ZNF618: variants seen among roughly 807,000 people sequenced by gnomAD.
ZNF618 encodes the protein neural precursor cell expressed, developmentally down-regulated 10.
ZNF618 carries 34 observed loss-of-function variants against 103.0 expected under a neutral mutation model. The observed-to-expected ratio is 0.33, with a 90% CI of 0.25 to 0.44. The LOEUF (loss-of-function observed/expected upper bound fraction) is 0.44. Ranked by LOEUF, ZNF618 falls within the 20% of genes least tolerant of loss-of-function variation. The probability of loss-of-function intolerance (pLI) is 1.00; values close to 1 mark genes in which losing one functional copy is unlikely to be tolerated. For missense variants in ZNF618, 1,059 were observed against 1,295.4 expected, an observed-to-expected ratio of 0.82 and a Z score of 2.80; for synonymous variants, 551 against 542.2, an observed-to-expected ratio of 1.02 and a Z score of -0.23.
intron 1 of ZNF618, among the ~76,000 whole-genome samples, chr9:113,881,674 G>A (rs1253351751): frequency 6.6e-6 from 1 of 152,178 alleles, no homozygotes; most frequent in African/African-American, 2.4e-5. Context: ...ACCAGTTGTC[G>A]TCATCACTGG....
At chr9:113,886,851 A>G (rs1014002465) in intron 1 of ZNF618, among the ~76,000 whole-genome samples, 3 of 151,914 alleles carry the variant, frequency 2.0e-5, no homozygotes, top group African/African-American at 4.8e-5. Context: ...GACTTAGTAG[A>G]AAAAAAAGAC....
chr9:113,881,380 T>G (rs907734217), intron 1 of ZNF618, among the ~76,000 whole-genome samples: 2 of 152,188 alleles, frequency 1.3e-5, no homozygotes. Flanking sequence ...GCCACATATA[T>G]AATTTTTAAT....
chr9:114,019,111 A>G (rs1842868394), intron 10 of ZNF618, among the ~76,000 whole-genome samples: 1 of 152,186 alleles, frequency 6.6e-6, no homozygotes, highest in African/African-American at 2.4e-5. Flanking sequence ...ATATTCTTTT[A>G]TGTCTGACTT....
At chr9:113,968,025 T>G (rs1181332553) in intron 1 of ZNF618, among the ~76,000 whole-genome samples, 6 of 152,208 alleles carry the variant, frequency 3.9e-5, no homozygotes, top group Admixed American at 3.9e-4. Flanking sequence ...TAAGCACTCA[T>G]CAAAAGGTGT....
chr9:113,932,868 G>A (rs961418773), intron 1 of ZNF618, among the ~76,000 whole-genome samples: 7 of 152,138 alleles, frequency 4.6e-5, no homozygotes, highest in African/African-American at 4.8e-5. Context: ...AGTCTGGAGC[G>A]CAGGCGAGCA....
chr9:113,886,397 G>A (rs1829073088), intron 1 of ZNF618, among the ~76,000 whole-genome samples: 1 of 152,166 alleles, frequency 6.6e-6, no homozygotes, highest in Non-Finnish European at 1.5e-5. Flanking sequence ...TGGACTCAGA[G>A]TTTTTGCAAG....
chr9:113,995,901 T>C (rs1588276229), intron 3 of ZNF618, among the ~76,000 whole-genome samples: 1 of 152,280 alleles, frequency 6.6e-6, no homozygotes, highest in Non-Finnish European at 1.5e-5. Context: ...GTCTTTTGTT[T>C]GTAACGTGGC....
At chr9:113,968,215 T>C (rs980011257) in intron 1 of ZNF618, among the ~76,000 whole-genome samples, 5 of 152,194 alleles carry the variant, frequency 3.3e-5, no homozygotes, top group Non-Finnish European at 7.3e-5. Flanking sequence ...TGTTTTACAA[T>C]AGAAATATCA....
rs1395596420 is a variant in ZNF618 at position 114,049,175 on chromosome 9, G to A, written c.1873G>A (p.Ala625Thr). Residue 625 changes from alanine to threonine, a missense_variant, in exon 15 of 15, where the codon GCC (alanine) becomes ACC (threonine). Physicochemically the swap from Ala to Thr is moderately conservative, Grantham distance 58 (BLOSUM62 0). Coordinates refer to ENST00000374126, the MANE Select transcript of ZNF618 (RefSeq NM_001318042.2). ...YVTDCRVSTSAFSKAGMCLRC... is the reference protein window; with the variant it reads ...YVTDCRVSTSTFSKAGMCLRC... ...GACGGATTGCCGGGTGAGCACGTCC[G>A]CCTTCTCCAAGGCCGGCATGTGCCT... 6.8e-6 allele frequency: 11 copies of A among 1,613,782 alleles called. No individual in the cohort carries two copies. The highest frequency in any genetic ancestry group is 4.4e-5 in the South Asian group (4 of 91,078).
At chr9:114,023,824 C>T (rs1031365764) in intron 10 of ZNF618, among the ~76,000 whole-genome samples, 14 of 152,002 alleles carry the variant, frequency 9.2e-5, no homozygotes, top group African/African-American at 3.4e-4. Flanking sequence ...AGAGATCATT[C>T]TGATTGTTAT....
intron 6 of ZNF618, among the ~76,000 whole-genome samples, chr9:114,003,306 A>C (rs1841429597): frequency 6.6e-6 from 1 of 152,256 alleles, no homozygotes; most frequent in African/African-American, 2.4e-5. Context: ...AAGCTGGTGT[A>C]GACTAGGATG....
rs1846397302 is a variant in ZNF618, at chr9:114,055,230, C to T, written c.*5063C>T. ...CCGGAAGGAGGGGCTCCTGCCATAACCCAGGTGCCAGCCGGTCTCCGCCTA... is the reference window on the plus strand; with the variant it reads ...CCGGAAGGAGGGGCTCCTGCCATAATCCAGGTGCCAGCCGGTCTCCGCCTA... On this transcript the variant is annotated 3_prime_UTR_variant, in exon 15 of 15. Transcript: ENST00000374126. 6.6e-6 allele frequency: 1 copy of T among 152,186 alleles called. No homozygotes were observed. The highest frequency in any genetic ancestry group is 1.5e-5 in the Non-Finnish European group (1 of 68,066). 9.4% of individuals were successfully genotyped at this position (152,186 alleles called of 1,614,324 possible). A position where few individuals can be genotyped will look rare whatever the true frequency, so the allele number is the denominator to read the frequency against.
intron 1 of ZNF618, among the ~76,000 whole-genome samples, chr9:113,917,476 A>G (rs1301173082): frequency 2.0e-5 from 3 of 147,330 alleles, no homozygotes; most frequent in Non-Finnish European, 4.5e-5. Flanking sequence ...CTGGTCTTGA[A>G]CTCCTAGGCT....
chr9:113,997,691 G>A (rs1224997225), intron 3 of ZNF618, among the ~76,000 whole-genome samples: 1 of 152,230 alleles, frequency 6.6e-6, no homozygotes, highest in African/African-American at 2.4e-5. Flanking sequence ...TGGGGCAGAG[G>A]TCAGTCTGCA....
chr9:113,908,342 GT>G (rs1423562846), intron 1 of ZNF618, among the ~76,000 whole-genome samples: 1 of 152,126 alleles, frequency 6.6e-6, no homozygotes, highest in Non-Finnish European at 1.5e-5. Context: ...GATAAAAGCA[GT>G]TTAAAAAAAT....
intron 1 of ZNF618, among the ~76,000 whole-genome samples, chr9:113,941,233 C>T (rs1564195256): frequency 6.6e-6 from 1 of 152,150 alleles, no homozygotes; most frequent in Non-Finnish European, 1.5e-5. Context: ...CCTCCAAGGG[C>T]ATTTACATTT....
chr9:114,006,195 G>A lies in ZNF618; in HGVS notation c.551-1155G>A, dbSNP rs1334637714. 2.0e-5 allele frequency among the ~76,000 whole-genome samples: 3 copies of A among 152,224 alleles called. No individual in the cohort carries two copies. The East Asian group carries it at 5.8e-4, about 29-fold the overall frequency. On this transcript the variant is annotated intron_variant, in intron 6 of 14. Coordinates refer to ENST00000374126, the MANE Select transcript of ZNF618 (RefSeq NM_001318042.2). Reference sequence around the variant, plus strand: ...GTGGTAGAGGATTGCATCAGATCCTGTATTTGGGTTCTGAGGGACAGGAGG... The same window carrying A: ...GTGGTAGAGGATTGCATCAGATCCTATATTTGGGTTCTGAGGGACAGGAGG...
chr9:113,881,805 T>C (rs1828554812), intron 1 of ZNF618, among the ~76,000 whole-genome samples: 1 of 152,230 alleles, frequency 6.6e-6, no homozygotes, highest in Non-Finnish European at 1.5e-5. Flanking sequence ...TCCATCCATA[T>C]AGCTCTCCTG....
intron 10 of ZNF618, among the ~76,000 whole-genome samples, chr9:114,025,681 A>G (rs1034820608): frequency 1.4e-5 from 2 of 147,742 alleles, no homozygotes; most frequent in African/African-American, 5.0e-5. Context: ...CCTGTGACCC[A>G]GAATTGATAG....
Sources: gnomAD v4.1 joint callset for allele counts (sites outside exome capture counted in the v4.1 genomes callset) on GRCh38, gnomAD v4.1.1 for gene constraint, MANE v1.5 for transcripts, NCBI Gene and HGNC (gene_info 2026-07-23, HGNC 2026-07-21) for gene names.